The following LARP4B variants were observed in gnomAD, a reference collection of about 807,000 sequenced individuals.
LARP4B encodes La ribonucleoprotein 4B, also known as la-related protein 4B.
LARP4B carries 12 observed loss-of-function variants against 89.8 expected under a neutral mutation model. The ratio of observed to expected loss-of-function variants is 0.13; its 90% CI spans 0.09 to 0.22. The LOEUF (loss-of-function observed/expected upper bound fraction) is 0.22, where lower values mean the gene tolerates loss of function less well. LARP4B is among the 10% of genes least tolerant of loss of function. The pLI, the probability that LARP4B is intolerant of heterozygous loss-of-function variation, is 1.00. For missense variants in LARP4B, 757 were observed against 947.7 expected (o/e 0.80, Z 2.64); for synonymous variants, 367 against 363.3 (o/e 1.01, Z -0.12).
At chr10:831,991 A>G (rs1011973148) in intron 8 of LARP4B, among the ~76,000 whole-genome samples, 3 of 152,240 alleles carry the variant, frequency 2.0e-5, no homozygotes, top group Admixed American at 6.5e-5. Flanking sequence ...CATAAAAGGT[A>G]AAGACTGAGC....
the LARP4B span, among the ~76,000 whole-genome samples, chr10:954,596 A>G: frequency 6.6e-6 from 1 of 152,096 alleles, no homozygotes; most frequent in Admixed American, 6.6e-5. This position sits in a 1 kb window ranked among gnomAD's most constrained non-coding sequence, Gnocchi z 5.0. Context: ...TGCTGCGTGG[A>G]GTCACGGGAC....
the LARP4B span, among the ~76,000 whole-genome samples, chr10:937,217 AT>A: frequency 7.9e-5 from 12 of 151,960 alleles, no homozygotes; most frequent in Non-Finnish European, 1.6e-4. Context: ...TAATTTTTGC[AT>A]TTTTTGTAGA....
At chr10:868,397 A>AAG (rs1835025720) in intron 3 of LARP4B, among the ~76,000 whole-genome samples, 1 of 151,546 alleles carries the variant, frequency 6.6e-6, no homozygotes, top group South Asian at 2.1e-4. Flanking sequence ...AAAAAAAAAA[A>AAG]GACACCTGTA....
intron 5 of LARP4B, among the ~76,000 whole-genome samples, chr10:848,112 G>A (rs1349726848): frequency 2.6e-5 from 4 of 152,168 alleles, no homozygotes; most frequent in African/African-American, 4.8e-5. Flanking sequence ...CACCTGAGGG[G>A]ATCAGAAGTA....
intron 1 of LARP4B, among the ~76,000 whole-genome samples, chr10:923,391 A>G (rs1258169277): frequency 6.6e-6 from 1 of 152,102 alleles, no homozygotes; most frequent in Non-Finnish European, 1.5e-5. Context: ...TTCCTTTGCA[A>G]ACGTGATTTA....
intron 14 of LARP4B, chr10:818,192 C>G (rs1832163659): frequency 1.1e-5 from 3 of 261,114 alleles, no homozygotes; most frequent in Admixed American, 9.9e-5. Context: ...GCAGGGGCAG[C>G]TGAAGGCAAG....
At chr10:848,590 T>G (rs182206294) in intron 5 of LARP4B, among the ~76,000 whole-genome samples, 2 of 150,024 alleles carry the variant, frequency 1.3e-5, no homozygotes, top group South Asian at 2.1e-4. Flanking sequence ...AAAAAACTTA[T>G]AGAGATGAAA....
At chr10:896,256 T>C (rs532128236) in intron 1 of LARP4B, among the ~76,000 whole-genome samples, 45 of 152,244 alleles carry the variant, frequency 3.0e-4, no homozygotes, top group Admixed American at 5.2e-4. Context: ...CTCAAAATAA[T>C]GCAAAGATGT....
intron 5 of LARP4B, among the ~76,000 whole-genome samples, chr10:848,564 A>G (rs1291286042): frequency 6.9e-6 from 1 of 144,954 alleles, no homozygotes; most frequent in African/African-American, 2.5e-5. Flanking sequence ...CATAAAAGTT[A>G]TTAAAAAAAA....
intron 11 of LARP4B, among the ~76,000 whole-genome samples, 182 bp downstream of exon 11, chr10:829,203 A>G (rs904270523): frequency 6.6e-6 from 1 of 152,246 alleles, no homozygotes; most frequent in Non-Finnish European, 1.5e-5. Context: ...ACAGCAATCC[A>G]AAGTTCTTTA....
chr10:923,121 T>G (rs1460180661), intron 1 of LARP4B, among the ~76,000 whole-genome samples: 2 of 151,828 alleles, frequency 1.3e-5, no homozygotes, highest in Non-Finnish European at 2.9e-5. Flanking sequence ...CAAAAAGACT[T>G]TCACAGTAAG....
chr10:916,003 G>T (rs1225132913), intron 1 of LARP4B, among the ~76,000 whole-genome samples: 1 of 151,916 alleles, frequency 6.6e-6, no homozygotes, highest in Admixed American at 6.6e-5. Context: ...TTTCCAAAAG[G>T]AACCCCCTGG....
At chr10:823,053 T>C (rs1474093843) in intron 13 of LARP4B, among the ~76,000 whole-genome samples, 3 of 152,332 alleles carry the variant, frequency 2.0e-5, no homozygotes, top group Non-Finnish European at 2.9e-5. Flanking sequence ...CACACCTCCC[T>C]GCAAAACAGC....
intron 1 of LARP4B, among the ~76,000 whole-genome samples, chr10:906,250 AT>A (rs1836490857): frequency 6.6e-6 from 1 of 152,146 alleles, no homozygotes; most frequent in Admixed American, 6.5e-5. Flanking sequence ...TTTTATCCTT[AT>A]TTTCATATCT....
chr10:827,045 G>C (rs187890486), intron 11 of LARP4B, among the ~76,000 whole-genome samples: 13 of 152,278 alleles, frequency 8.5e-5, no homozygotes, highest in Admixed American at 3.9e-4. Context: ...GAGGCCAAGG[G>C]GGGGCGGATC....
chr10:870,441 C>T (rs185745238), intron 3 of LARP4B, among the ~76,000 whole-genome samples: 4 of 152,332 alleles, frequency 2.6e-5, no homozygotes, highest in South Asian at 2.1e-4. Flanking sequence ...TGCGCTGCAT[C>T]GCAGGGGGCA....
chr10:887,414 A>T (rs1256005094), intron 1 of LARP4B, among the ~76,000 whole-genome samples: 4 of 141,700 alleles, frequency 2.8e-5, no homozygotes, highest in African/African-American at 7.7e-5. Flanking sequence ...ATACACAATT[A>T]AAAAAAAAAA....
intron 1 of LARP4B, among the ~76,000 whole-genome samples, chr10:920,108 C>T (rs912154362): frequency 1.3e-5 from 2 of 152,176 alleles, no homozygotes; most frequent in East Asian, 1.9e-4. Flanking sequence ...AAAATTAATG[C>T]TTTCACCAAT....
intron 3 of LARP4B, chr10:873,102 T>C (rs1416603975): frequency 1.0e-5 from 10 of 985,362 alleles, no homozygotes; most frequent in Non-Finnish European, 1.2e-5. Flanking sequence ...GTTTTTTCAC[T>C]GTCATTGTCA....
Sources: allele counts gnomAD v4.1 joint callset (sites outside exome capture counted in the v4.1 genomes callset), GRCh38; gene constraint gnomAD v4.1.1; non-coding constraint Gnocchi (gnomAD v3.1); transcripts MANE v1.5; gene names NCBI Gene and HGNC (gene_info 2026-07-23, HGNC 2026-07-21).